The following CHRM3 variants were observed in gnomAD, a reference collection of about 807,000 sequenced individuals.
CHRM3 encodes the protein cholinergic receptor muscarinic 3.
A neutral mutation model predicts 41.8 loss-of-function variants in CHRM3; 11 were observed. The ratio of observed to expected loss-of-function variants is 0.26; its 90% CI spans 0.17 to 0.44. The LOEUF is 0.44. CHRM3 is among the 20% of genes least tolerant of loss of function. The pLI is 1.00. For synonymous variants in CHRM3, 297 were observed against 301.4 expected (o/e 0.99, Z 0.15); for missense variants, 571 against 745.4 (o/e 0.77, Z 2.72).
chr1:239,644,983 A>C (rs1425628042), intron 4 of CHRM3, among the ~76,000 whole-genome samples: 1 of 152,072 alleles, frequency 6.6e-6, no homozygotes, highest in African/African-American at 2.4e-5. Flanking sequence ...TCTATTGAAC[A>C]CCATGCTCCC....
At chr1:239,861,414 C>G (rs1675630592) in intron 6 of CHRM3, among the ~76,000 whole-genome samples, 1 of 151,730 alleles carries the variant, frequency 6.6e-6, no homozygotes, top group Admixed American at 6.6e-5. Flanking sequence ...AAGAACATTC[C>G]AGGGAGAGGA....
intron 6 of CHRM3, among the ~76,000 whole-genome samples, chr1:239,881,196 T>C (rs1446098994): frequency 1.5e-5 from 2 of 137,196 alleles, no homozygotes; most frequent in Admixed American, 1.7e-4. Context: ...GGCAGGAGAA[T>C]GGCGTGAACC....
intron 6 of CHRM3, among the ~76,000 whole-genome samples, chr1:239,887,246 G>A (rs568401248): frequency 1.3e-4 from 19 of 151,822 alleles, no homozygotes; most frequent in African/African-American, 4.6e-4. Flanking sequence ...CTGTCACTCA[G>A]GCTGGAGTGC....
intron 5 of CHRM3, among the ~76,000 whole-genome samples, chr1:239,708,738 T>TTTC (rs1661451273): frequency 5.6e-5 from 3 of 53,310 alleles, no homozygotes; most frequent in African/African-American, 8.5e-5. Context: ...TAAATTTTCT[T>TTTC]TTTTTTTTTT....
At chr1:239,900,773 G>A (rs1469425466) in intron 6 of CHRM3, among the ~76,000 whole-genome samples, 1 of 152,148 alleles carries the variant, frequency 6.6e-6, no homozygotes, top group Non-Finnish European at 1.5e-5. Context: ...CACAACCCAA[G>A]TAGAACTAGG....
At chr1:239,404,388 GAAAGAAAGAAAGAAAGAAAGAA>G (rs1660303821) in intron 1 of CHRM3, among the ~76,000 whole-genome samples, 18 of 72,910 alleles carry the variant, frequency 2.5e-4, no homozygotes, top group South Asian at 5.1e-4. Flanking sequence ...AAGAAAGAAA[GAAAGAAAGAAAGAAAGAAAGAA>G]AAAGAAAGAA....
intron 2 of CHRM3, among the ~76,000 whole-genome samples, chr1:239,499,295 G>A (rs1225685304): frequency 6.6e-6 from 1 of 152,132 alleles, no homozygotes; most frequent in Admixed American, 6.6e-5. Flanking sequence ...TCCAACAGGA[G>A]GGTCAGAACT....
At chr1:239,408,544 A>AAAAT (rs1256608826) in intron 1 of CHRM3, among the ~76,000 whole-genome samples, 1 of 149,402 alleles carries the variant, frequency 6.7e-6, no homozygotes, top group Non-Finnish European at 1.5e-5. Context: ...AAAAAAAAAA[A>AAAAT]CTCTCTCCTT....
At chr1:239,808,454 T>C (rs1385784888) in intron 5 of CHRM3, among the ~76,000 whole-genome samples, 1 of 152,118 alleles carries the variant, frequency 6.6e-6, no homozygotes, top group African/African-American at 2.4e-5. Context: ...GACAGCTTCA[T>C]CCTGCCTTAA....
intron 5 of CHRM3, among the ~76,000 whole-genome samples, chr1:239,807,727 A>C (rs58494848): frequency 0.022 from 3,373 of 152,280 alleles, 147 homozygotes; most frequent in African/African-American, 0.076. Flanking sequence ...AATCACATTA[A>C]AAATCTCATT....
intron 3 of CHRM3, among the ~76,000 whole-genome samples, chr1:239,576,781 C>T (rs928076582): frequency 2.7e-5 from 4 of 147,156 alleles, no homozygotes; most frequent in African/African-American, 1.1e-4. Flanking sequence ...CAGAGCAAGA[C>T]CCTATCTAAA....
chr1:239,584,108 CTTTTTTTT>C (rs769127124), intron 3 of CHRM3, among the ~76,000 whole-genome samples: 11 of 124,412 alleles, frequency 8.8e-5, no homozygotes, highest in African/African-American at 3.2e-4. Flanking sequence ...TCTTCTTCTT[CTTTTTTTT>C]TTTTTTTTTT....
At chr1:239,467,917 TC>T (rs1422621433) in intron 1 of CHRM3, among the ~76,000 whole-genome samples, 1 of 151,890 alleles carries the variant, frequency 6.6e-6, no homozygotes, top group Non-Finnish European at 1.5e-5. Flanking sequence ...CCAACGTTAT[TC>T]CAAGAGGAAA....
In CHRM3 at chr1:239,414,263, C is replaced by T. The variant is rs945251316; in HGVS notation, c.-521+27036C>T. Among the ~76,000 whole-genome samples, 6 of 152,112 alleles carry T rather than the reference C, an allele frequency of 3.9e-5. 1 individual carries two copies. Among genetic ancestry groups the T allele is most frequent in the Non-Finnish European group, 8.8e-5 (6 of 68,010 alleles). Reference sequence around the variant, plus strand: ...GTATTGAACACATATGCTTTGATAACAGGTAACTGCTTGTCTTTGACATAA... The same window carrying T: ...GTATTGAACACATATGCTTTGATAATAGGTAACTGCTTGTCTTTGACATAA... On this transcript the variant is annotated intron_variant, in intron 1 of 6. Coordinates refer to ENST00000676153, the MANE Select transcript of CHRM3 (RefSeq NM_001375978.1).
At chr1:239,544,217 T>C (rs1659067681) in intron 2 of CHRM3, among the ~76,000 whole-genome samples, 1 of 152,146 alleles carries the variant, frequency 6.6e-6, no homozygotes, top group Non-Finnish European at 1.5e-5. Context: ...AGAGCAGCTT[T>C]TCCTAGCTCC....
rs1206405694 is a variant in CHRM3, at chr1:239,914,202, A to G, written c.*4978A>G. 6.0e-6 allele frequency: 1 copy of G among 167,100 alleles called. No individual in the cohort carries two copies. Among genetic ancestry groups the G allele is most frequent in the East Asian group, 1.9e-4 (1 of 5,204 alleles). 10.4% of individuals were successfully genotyped at this position (167,100 alleles called of 1,614,324 possible). A position where few individuals can be genotyped will look rare whatever the true frequency, so the allele number is the denominator to read the frequency against. ...TGCTTAGCAGTTCTGCAGTTCACAT[A>G]CAAAACTCAAAACTCTTTTTATCCT... On this transcript the variant is annotated 3_prime_UTR_variant, in exon 7 of 7. Coordinates refer to ENST00000676153, the MANE Select transcript of CHRM3 (RefSeq NM_001375978.1).
chr1:239,797,442 A>T (rs1669878336), intron 5 of CHRM3, among the ~76,000 whole-genome samples: 1 of 152,112 alleles, frequency 6.6e-6, no homozygotes, highest in Non-Finnish European at 1.5e-5. Context: ...AAGGTCTGAA[A>T]TGCTCCAAGG....
At chr1:239,738,469 A>T (rs1189904511) in intron 5 of CHRM3, among the ~76,000 whole-genome samples, 1 of 151,712 alleles carries the variant, frequency 6.6e-6, no homozygotes, top group Non-Finnish European at 1.5e-5. Context: ...GGCCAGGCTC[A>T]GGGGGGGTTT....
At chr1:239,702,148 A>C (rs1351249871) in intron 5 of CHRM3, among the ~76,000 whole-genome samples, 1 of 152,258 alleles carries the variant, frequency 6.6e-6, no homozygotes, top group Non-Finnish European at 1.5e-5. Context: ...TGCTTGGTGA[A>C]TGTTGCTGCT....
Sources: gnomAD v4.1 joint callset for allele counts (sites outside exome capture counted in the v4.1 genomes callset) on GRCh38, gnomAD v4.1.1 for gene constraint, MANE v1.5 for transcripts, NCBI Gene and HGNC (gene_info 2026-07-23, HGNC 2026-07-21) for gene names.